Variants in FRK observed in about 807,000 individuals in gnomAD.
The protein encoded by FRK is fyn related Src family tyrosine kinase, also known as tyrosine-protein kinase FRK.
Under a neutral mutation model 56.4 loss-of-function variants are expected in FRK, and 51 were observed. The ratio of observed to expected loss-of-function variants is 0.90; its 90% CI spans 0.72 to 1.14. The LOEUF (loss-of-function observed/expected upper bound fraction) is 1.14. Among genes scored for constraint, FRK ranks in the 50% most tolerant of loss-of-function variants. FRK has a pLI of 0.00. For synonymous variants in FRK, 245 were observed against 217.9 expected (o/e 1.12, Z -1.10); for missense variants, 570 against 601.4 (o/e 0.95, Z 0.55).
In FRK at chr6:115,939,510, G is replaced by A. The variant is rs1772115633; in HGVS notation, c.*2904C>T. 6.6e-6 allele frequency: 1 copy of A among 152,068 alleles called. No individual in the cohort carries two copies. The highest frequency in any genetic ancestry group is 2.4e-5 in the African/African-American group (1 of 41,390). The allele number at this position is 152,068 out of a possible 1,614,324, so 9.4% of individuals were successfully genotyped here. ...AATCAGGCAAGAGAAAGAAATAAAG[G>A]GTATTCAAATAGGAAAACAGGAAGT... On this transcript the variant is annotated 3_prime_UTR_variant, in exon 8 of 8. Transcript: ENST00000606080.
chr6:116,039,073 G>A, intron 1 of FRK: 1 of 770,006 alleles, frequency 1.3e-6, no homozygotes, highest in East Asian at 2.5e-5. Flanking sequence ...AGTCAGATAA[G>A]CTGATTGGGC....
intron 5 of FRK, among the ~76,000 whole-genome samples, chr6:115,946,325 C>T (rs192573479): frequency 1.9e-4 from 29 of 152,198 alleles, no homozygotes; most frequent in African/African-American, 6.0e-4. Context: ...CTTAACATTC[C>T]TATGCCTCAG....
chr6:115,940,085 C>T lies in FRK; in HGVS notation c.*2329G>A, dbSNP rs1772129834. On this transcript the variant is annotated 3_prime_UTR_variant, in exon 8 of 8. Coordinates refer to ENST00000606080, the MANE Select transcript of FRK (RefSeq NM_002031.3). ...TGCTACCTGACTTCAAACTATACTA[C>T]AAGGCTACAGTAAACAAAACAGCAT... is the stretch of plus-strand genomic sequence containing the variant. The T allele has an allele frequency of 6.6e-6, 1 of 152,214 alleles. No individual in the cohort carries two copies. The highest frequency in any genetic ancestry group is 2.1e-4 in the South Asian group (1 of 4,832). The allele number at this position is 152,214 out of a possible 1,614,324, so 9.4% of individuals were successfully genotyped here.
intron 2 of FRK, among the ~76,000 whole-genome samples, chr6:115,995,319 G>C (rs962168796): frequency 3.3e-5 from 5 of 152,048 alleles, no homozygotes; most frequent in African/African-American, 1.2e-4. Context: ...TACTTCAGCT[G>C]TTAATAAAAT....
chr6:116,048,579 T>A (rs2114808524), intron 1 of FRK, among the ~76,000 whole-genome samples: 2 of 151,840 alleles, frequency 1.3e-5, no homozygotes, highest in Middle Eastern at 6.8e-3. Context: ...AGAGATGGAG[T>A]CTCGCCATGT....
chr6:116,040,086 A>G (rs1429831274), intron 1 of FRK, among the ~76,000 whole-genome samples: 2 of 152,188 alleles, frequency 1.3e-5, no homozygotes, highest in African/African-American at 2.4e-5. Context: ...TAGAATGCAC[A>G]TGGGGGAAGT....
intron 2 of FRK, among the ~76,000 whole-genome samples, chr6:115,972,336 T>C (rs1195297743): frequency 6.6e-6 from 1 of 152,156 alleles, no homozygotes; most frequent in East Asian, 1.9e-4. Context: ...CTAAGTTACC[T>C]CTATCCTACT....
intron 1 of FRK, among the ~76,000 whole-genome samples, chr6:116,034,547 C>T (rs763955661): frequency 6.6e-6 from 1 of 152,062 alleles, no homozygotes; most frequent in Non-Finnish European, 1.5e-5. Context: ...CAGCAAAATT[C>T]AGATTGTGGG....
At chr6:116,094,576 G>A in the FRK span, among the ~76,000 whole-genome samples, 1 of 152,256 alleles carries the variant, frequency 6.6e-6, no homozygotes, top group South Asian at 2.1e-4. Context: ...AACCTTTAGG[G>A]GAACTTCCAT....
intron 2 of FRK, among the ~76,000 whole-genome samples, chr6:115,995,386 C>A (rs1213179580): frequency 6.6e-6 from 1 of 152,156 alleles, no homozygotes; most frequent in Non-Finnish European, 1.5e-5. Context: ...CAATTTCTCA[C>A]ATGACTTATC....
rs141134074 is a variant in FRK, at chr6:115,956,889, A to G, written c.800-279T>C. ...ATGAAAAATGAAGGAAAAAGGAGAG[A>G]CTGACAATCTAACTGATAAAACAAG... On this transcript the variant is annotated intron_variant, in intron 4 of 7. Transcript: ENST00000606080. Among the ~76,000 whole-genome samples the G allele has an allele frequency of 2.8e-3, 433 of 152,300 alleles. 1 individual carries two copies. Among genetic ancestry groups the G allele is most frequent in the African/African-American group, 9.7e-3 (404 of 41,576 alleles).
At chr6:115,983,182 G>C (rs1427684023) in intron 2 of FRK, among the ~76,000 whole-genome samples, 2 of 152,052 alleles carry the variant, frequency 1.3e-5, no homozygotes, top group African/African-American at 4.8e-5. Context: ...CAACCTGATG[G>C]GGTTTACAGT....
intron 1 of FRK, among the ~76,000 whole-genome samples, chr6:116,053,685 C>G (rs1777266714): frequency 6.6e-6 from 1 of 152,098 alleles, no homozygotes; most frequent in African/African-American, 2.4e-5. Context: ...TGATTTATTT[C>G]ACTCACATAA....
At chr6:116,038,862 A>G in intron 1 of FRK, 1 of 548,308 alleles carries the variant, frequency 1.8e-6, no homozygotes, top group South Asian at 1.5e-5. Context: ...GTGCCGGCCA[A>G]CACTGAGGTG....
In FRK at chr6:115,956,472, C is replaced by A. The variant is rs764018284; in HGVS notation, c.938G>T (p.Ser313Ile). ...YIITELMRHG[S>I]LQEYLQNDTG... ...CTTACTTTGGAGATATTCTTGCAGACTTCCATGTCTCATCAACTCTGTAAT... is the reference window on the plus strand; with the variant it reads ...CTTACTTTGGAGATATTCTTGCAGAATTCCATGTCTCATCAACTCTGTAAT... The change falls in exon 5 of 8, where the codon AGT (serine) becomes ATT (isoleucine). Residue 313 changes from serine (S) to isoleucine (I), a missense_variant. By Grantham distance (142) the Ser-to-Ile change is moderately radical. Transcript: ENST00000606080. The A allele has an allele frequency of 1.3e-6, 2 of 1,545,650 alleles. No individual in the cohort carries two copies. The highest frequency in any genetic ancestry group is 8.7e-7 in the Non-Finnish European group (1 of 1,146,428).
chr6:116,007,910 T>C (rs1324339847), intron 1 of FRK, among the ~76,000 whole-genome samples: 2 of 152,150 alleles, frequency 1.3e-5, no homozygotes, highest in African/African-American at 4.8e-5. Flanking sequence ...AGAAAATATA[T>C]AATTTACTTC....
intron 2 of FRK, among the ~76,000 whole-genome samples, chr6:115,985,123 G>A (rs1226117030): frequency 2.0e-5 from 3 of 152,096 alleles, no homozygotes; most frequent in Non-Finnish European, 4.4e-5. Flanking sequence ...TCTTCTCTAA[G>A]CCTCAGTTTC....
chr6:116,062,462 GA>G (rs550646718), upstream of FRK, among the ~76,000 whole-genome samples: 14,843 of 119,012 alleles, frequency 0.12, 815 homozygotes, highest in African/African-American at 0.19. Flanking sequence ...ATCTAAAAAT[GA>G]AAAAAAAAAA....
At chr6:116,063,356 C>CCAT (rs1777685212), upstream of FRK, among the ~76,000 whole-genome samples, 2 of 152,112 alleles carry the variant, frequency 1.3e-5, 1 homozygote, top group Middle Eastern at 6.3e-3. Flanking sequence ...TATATATACA[C>CCAT]ATTAGAAACC....
Sources: allele counts gnomAD v4.1 joint callset (sites outside exome capture counted in the v4.1 genomes callset), GRCh38; gene constraint gnomAD v4.1.1; transcripts MANE v1.5; gene names NCBI Gene and HGNC (gene_info 2026-07-23, HGNC 2026-07-21).